Variants in DNAH7 observed in about 807,000 individuals in gnomAD.
The protein encoded by DNAH7 is dynein axonemal heavy chain 7, also known as axonemal beta dynein heavy chain 7.
A neutral mutation model predicts 444.6 loss-of-function variants in DNAH7; 397 were observed. The observed-to-expected ratio is 0.89, with a 90% CI of 0.82 to 0.97. The LOEUF (loss-of-function observed/expected upper bound fraction) is 0.97. DNAH7 is among the 50% of genes least tolerant of loss of function. The probability of loss-of-function intolerance (pLI) is 0.00; values close to 1 mark genes in which losing one functional copy is unlikely to be tolerated. For synonymous variants in DNAH7, 1,636 were observed against 1,624.4 expected (o/e 1.01, Z -0.17); for missense variants, 4,902 against 4,800.8 (o/e 1.02, Z -0.62).
intron 14 of DNAH7, among the ~76,000 whole-genome samples, chr2:195,984,999 A>G (rs1178161716): frequency 6.6e-6 from 1 of 152,228 alleles, no homozygotes; most frequent in Non-Finnish European, 1.5e-5. Context: ...AGGACTGTGA[A>G]CAATCATTTC....
At chr2:195,758,121 G>T (rs977445615) in intron 61 of DNAH7, among the ~76,000 whole-genome samples, 1 of 152,208 alleles carries the variant, frequency 6.6e-6, no homozygotes, top group Non-Finnish European at 1.5e-5. Context: ...GAAGAAGCAG[G>T]TCAAGAAGAA....
intron 2 of DNAH7, among the ~76,000 whole-genome samples, chr2:196,054,072 G>A (rs1697652211): frequency 6.6e-6 from 1 of 152,188 alleles, no homozygotes; most frequent in Non-Finnish European, 1.5e-5. Flanking sequence ...TTGTCAGATA[G>A]TATTAATTAC....
chr2:195,933,638 C>T (rs1188189219), intron 21 of DNAH7, among the ~76,000 whole-genome samples: 1 of 151,138 alleles, frequency 6.6e-6, no homozygotes, highest in East Asian at 2.0e-4. Flanking sequence ...TCTCAGCAAA[C>T]TAACACAAAG....
intron 24 of DNAH7, among the ~76,000 whole-genome samples, chr2:195,918,551 T>C (rs933525982): frequency 1.3e-5 from 2 of 152,240 alleles, no homozygotes; most frequent in Non-Finnish European, 2.9e-5. Context: ...AATGGATAAA[T>C]TGTGTTACAC....
At chr2:195,771,410 G>C (rs1694833529) in intron 61 of DNAH7, among the ~76,000 whole-genome samples, 1 of 151,956 alleles carries the variant, frequency 6.6e-6, no homozygotes, top group South Asian at 2.1e-4. Context: ...ACCACACTGT[G>C]TCTCCTTAGC....
intron 31 of DNAH7, among the ~76,000 whole-genome samples, chr2:195,890,714 G>A (rs1701963702): frequency 6.6e-6 from 1 of 152,000 alleles, no homozygotes; most frequent in South Asian, 2.1e-4. Context: ...CAAGATCTCT[G>A]CCCCATGAGA....
At chr2:195,986,101 CAGT>C (rs1692888728) in intron 14 of DNAH7, among the ~76,000 whole-genome samples, 1 of 152,178 alleles carries the variant, frequency 6.6e-6, no homozygotes, top group African/African-American at 2.4e-5. Context: ...ATTCACATGT[CAGT>C]TCCTCTTTGC....
rs572650310 is a variant in DNAH7, at chr2:195,829,155, A to G, written c.9101-4710T>C. Among the ~76,000 whole-genome samples, 165 of 152,018 alleles carry G rather than the reference A, an allele frequency of 1.1e-3. 2 individuals carry two copies. The highest frequency in any genetic ancestry group is 3.8e-3 in the African/African-American group (157 of 41,472). ...TTTTGTTTTGCTTTGCTTTCTATTCACTGGTTGACTATAATAACTACCAAA... is the reference window on the plus strand; with the variant it reads ...TTTTGTTTTGCTTTGCTTTCTATTCGCTGGTTGACTATAATAACTACCAAA... On this transcript the variant is annotated intron_variant, in intron 48 of 64. Coordinates refer to ENST00000312428, the MANE Select transcript of DNAH7 (RefSeq NM_018897.3).
At chr2:196,002,537 A>T (rs1694103310) in intron 10 of DNAH7, among the ~76,000 whole-genome samples, 1 of 152,208 alleles carries the variant, frequency 6.6e-6, no homozygotes, top group African/African-American at 2.4e-5. Flanking sequence ...ATTTTAAAAT[A>T]CTGTTATCTT....
chr2:195,795,324 G>A (rs1696083858), intron 56 of DNAH7, among the ~76,000 whole-genome samples: 1 of 152,236 alleles, frequency 6.6e-6, no homozygotes, highest in Non-Finnish European at 1.5e-5. Flanking sequence ...GGAGGTTGCA[G>A]TGAGCCAAGA....
chr2:195,824,592 A>G (rs1189999705), intron 48 of DNAH7, 147 bp from the exon 49 acceptor site: 3 of 716,448 alleles, frequency 4.2e-6, no homozygotes, highest in Non-Finnish European at 6.4e-6. Context: ...TGAAAAGTAT[A>G]AAGAAATAAT....
chr2:195,862,835 A>G (rs1700101179), intron 41 of DNAH7, among the ~76,000 whole-genome samples: 1 of 152,230 alleles, frequency 6.6e-6, no homozygotes, highest in African/African-American at 2.4e-5. Context: ...CAGGAGTTCA[A>G]GACCAGCCTG....
chr2:195,864,569 A>G lies in DNAH7; in HGVS notation c.7086T>C (p.Val2362=). 6.2e-7 allele frequency: 1 copy of G among 1,614,174 alleles called. No homozygotes were observed. Among genetic ancestry groups the G allele is most frequent in the African/African-American group, 1.3e-5 (1 of 75,038 alleles). Residue 2362 remains valine (V), a synonymous_variant, in exon 41 of 65, where the codon GTT becomes GTC. Transcript: ENST00000312428. Reference sequence around the variant, plus strand: ...ACCCCTTAGAGATTTCAACTTGGAAAACTGAATAATCAGCCATGTGGGCAG... The same window carrying G: ...ACCCCTTAGAGATTTCAACTTGGAAGACTGAATAATCAGCCATGTGGGCAG... ...RLAAHMADYS[V]FQVEISKGYD...
chr2:195,802,726 T>G (rs1426383925), intron 54 of DNAH7, among the ~76,000 whole-genome samples: 1 of 151,914 alleles, frequency 6.6e-6, no homozygotes, highest in East Asian at 1.9e-4. Context: ...TTGTATAAAC[T>G]TATAGGGTGC....
At chr2:195,813,455 G>GAGAT (rs1697069442) in intron 51 of DNAH7, among the ~76,000 whole-genome samples, 2 of 152,136 alleles carry the variant, frequency 1.3e-5, no homozygotes, top group South Asian at 4.1e-4. Context: ...AACATCAAGG[G>GAGAT]AGATAGCCCA....
rs202188720 is a variant in DNAH7 at position 195,987,176 on chromosome 2, C to T, written c.1644G>A (p.Met548Ile). ...YTSIKTIRLG[M>I]FEMHCEELIR... The stretch of plus-strand genomic sequence containing the variant: ...TTAATTCCTCACAGTGCATTTCAAA[C>T]ATTCCTAAACGAATAGTCTGCAAAA... Residue 548 changes from methionine (M) to isoleucine (I), a missense_variant, in exon 14 of 65, where the codon ATG becomes ATA. Transcript: ENST00000312428. 6.5e-5 allele frequency: 104 copies of T among 1,594,636 alleles called. No individual in the cohort carries two copies. In the East Asian group the frequency reaches 2.0e-3, roughly 30 times the overall value.
chr2:195,968,988 T>C (rs186254910), intron 17 of DNAH7, among the ~76,000 whole-genome samples: 22 of 152,356 alleles, frequency 1.4e-4, no homozygotes, highest in Non-Finnish European at 2.6e-4. Context: ...CTGCACCACA[T>C]GGGTGTTATT....
chr2:196,064,433 G>A (rs193027666), intron 1 of DNAH7, among the ~76,000 whole-genome samples: 183 of 152,026 alleles, frequency 1.2e-3, no homozygotes, highest in Non-Finnish European at 2.2e-3. Flanking sequence ...TAATTTATCT[G>A]TTTCCTGTAC....
intron 21 of DNAH7, among the ~76,000 whole-genome samples, chr2:195,927,614 G>A (rs1415207021): frequency 6.6e-6 from 1 of 151,722 alleles, no homozygotes; most frequent in South Asian, 2.1e-4. Flanking sequence ...ACTGTGGGGA[G>A]AACAAGAGAA....
Sources: gnomAD v4.1 joint callset for allele counts (sites outside exome capture counted in the v4.1 genomes callset) on GRCh38, gnomAD v4.1.1 for gene constraint, MANE v1.5 for transcripts, NCBI Gene and HGNC (gene_info 2026-07-23, HGNC 2026-07-21) for gene names.